PTPRT: variants seen among roughly 807,000 people sequenced by gnomAD.
PTPRT encodes the protein receptor-type tyrosine-protein phosphatase T.
PTPRT carries 56 observed loss-of-function variants against 176.8 expected under a neutral mutation model. The ratio of observed to expected loss-of-function variants is 0.32; its 90% CI spans 0.26 to 0.40. The LOEUF (loss-of-function observed/expected upper bound fraction) is 0.40, where lower values mean the gene tolerates loss of function less well. Ranked by LOEUF, PTPRT falls within the 10% of genes least tolerant of loss-of-function variation. The pLI, the probability that PTPRT is intolerant of heterozygous loss-of-function variation, is 1.00. For synonymous variants in PTPRT, 783 were observed against 739.0 expected (o/e 1.06, Z -0.96); for missense variants, 1,540 against 1,908.2 (o/e 0.81, Z 3.60).
chr20:42,742,680 G>C (rs2076628946), intron 6 of PTPRT, among the ~76,000 whole-genome samples: 1 of 152,152 alleles, frequency 6.6e-6, no homozygotes, highest in South Asian at 2.1e-4. Context: ...AAAAATAAAT[G>C]GTACAGAGAA....
At position 42,078,381 on chromosome 20, in the gene PTPRT, GT is replaced by G. The variant is rs1982985340; in HGVS notation, c.*2497del. 1 of 211,756 alleles carries G rather than the reference GT, an allele frequency of 4.7e-6. No individual in the cohort carries two copies. The highest frequency in any genetic ancestry group is 9.6e-6 in the Non-Finnish European group (1 of 104,250). 13.1% of individuals were successfully genotyped at this position (211,756 alleles called of 1,614,324 possible). On this transcript the variant is annotated 3_prime_UTR_variant, in exon 31 of 31. Coordinates refer to ENST00000373187, the MANE Select transcript of PTPRT (RefSeq NM_007050.6). Reference sequence around the variant, plus strand: ...TCTGGGTTGGTGACCCTGCTCCGTGGTAAAGCAGAGACCCTGGGTTTCTCAT... The same window carrying G: ...TCTGGGTTGGTGACCCTGCTCCGTGGAAAGCAGAGACCCTGGGTTTCTCAT...
chr20:42,405,088 TA>T (rs978612734), intron 9 of PTPRT, among the ~76,000 whole-genome samples: 26 of 149,134 alleles, frequency 1.7e-4, no homozygotes, highest in Non-Finnish European at 2.8e-4. Flanking sequence ...TAGATATAAA[TA>T]TAAATATATG....
At chr20:42,333,581 C>T (rs2057998103) in intron 11 of PTPRT, among the ~76,000 whole-genome samples, 1 of 152,022 alleles carries the variant, frequency 6.6e-6, no homozygotes, top group Non-Finnish European at 1.5e-5. Context: ...ATCCACCCAC[C>T]TCGCCCTCCC....
chr20:42,393,734 T>A (rs560755543), intron 9 of PTPRT, among the ~76,000 whole-genome samples: 1 of 152,344 alleles, frequency 6.6e-6, no homozygotes, highest in Non-Finnish European at 1.5e-5. Flanking sequence ...GGGTCACTGA[T>A]AAAGTTTTTA....
chr20:43,018,119 A>T (rs944040253), intron 1 of PTPRT, among the ~76,000 whole-genome samples: 1 of 152,234 alleles, frequency 6.6e-6, no homozygotes, highest in Non-Finnish European at 1.5e-5. Context: ...CCACGGGCTC[A>T]CAGCTTGATT....
chr20:42,573,288 T>C (rs1040971345), intron 7 of PTPRT, among the ~76,000 whole-genome samples: 10 of 152,160 alleles, frequency 6.6e-5, no homozygotes, highest in Non-Finnish European at 1.2e-4. Context: ...GCAAGCACCC[T>C]GGCCACTAGG....
chr20:42,362,594 AACG>A (rs2058445544), intron 9 of PTPRT, among the ~76,000 whole-genome samples: 2 of 152,206 alleles, frequency 1.3e-5, no homozygotes, highest in Admixed American at 1.3e-4. Context: ...TGGACTGGAA[AACG>A]ACATTAGTGG....
chr20:43,138,945 G>A (rs1158019777), intron 1 of PTPRT, among the ~76,000 whole-genome samples: 2 of 152,156 alleles, frequency 1.3e-5, no homozygotes, highest in African/African-American at 2.4e-5. Context: ...CCCTCTCTGG[G>A]CACAAACTCA....
At chr20:42,232,081 C>T (rs1471738263) in intron 15 of PTPRT, among the ~76,000 whole-genome samples, 7 of 152,286 alleles carry the variant, frequency 4.6e-5, no homozygotes, top group Middle Eastern at 3.4e-3. Context: ...AAAAGCTCCA[C>T]GTGTGCAGGA....
intron 7 of PTPRT, among the ~76,000 whole-genome samples, chr20:42,625,495 C>T (rs1275858232): frequency 6.6e-6 from 1 of 151,792 alleles, no homozygotes; most frequent in Non-Finnish European, 1.5e-5. Context: ...ACTGTTCCTC[C>T]ATCTGAGTGG....
At chr20:43,097,827 C>G (rs561019232) in intron 1 of PTPRT, among the ~76,000 whole-genome samples, 3 of 152,326 alleles carry the variant, frequency 2.0e-5, no homozygotes, top group African/African-American at 7.2e-5. Context: ...TTAGAGGAAA[C>G]AGCACAGGGG....
intron 1 of PTPRT, among the ~76,000 whole-genome samples, chr20:42,922,639 C>T (rs1485370945): frequency 6.6e-6 from 1 of 152,154 alleles, no homozygotes; most frequent in African/African-American, 2.4e-5. Context: ...TCATTCAATT[C>T]TCTTCGTTAC....
downstream of PTPRT, among the ~76,000 whole-genome samples, chr20:42,072,539 C>G (rs1234751805): frequency 6.6e-6 from 1 of 152,228 alleles, no homozygotes; most frequent in East Asian, 1.9e-4. Flanking sequence ...ACTTTACACT[C>G]AACCCTTTTA....
intron 1 of PTPRT, among the ~76,000 whole-genome samples, chr20:43,122,840 T>C (rs916179386): frequency 1.3e-5 from 2 of 152,102 alleles, no homozygotes; most frequent in Non-Finnish European, 2.9e-5. Flanking sequence ...CCAGGTTTTG[T>C]TTTGTTTTGT....
At chr20:42,957,628 C>T (rs1981720570) in intron 1 of PTPRT, among the ~76,000 whole-genome samples, 1 of 152,140 alleles carries the variant, frequency 6.6e-6, no homozygotes, top group Non-Finnish European at 1.5e-5. Flanking sequence ...TGAGGCAAGG[C>T]ATGGAAGAGG....
chr20:42,453,900 T>C (rs1437568438), intron 8 of PTPRT, among the ~76,000 whole-genome samples: 2 of 151,672 alleles, frequency 1.3e-5, no homozygotes, highest in Non-Finnish European at 2.9e-5. Flanking sequence ...GGTTTCACTA[T>C]GTTGGCCAGG....
At chr20:42,332,653 T>C (rs998332213) in intron 11 of PTPRT, among the ~76,000 whole-genome samples, 12 of 152,202 alleles carry the variant, frequency 7.9e-5, no homozygotes, top group Admixed American at 1.3e-4. Flanking sequence ...TTTTTTTTTT[T>C]TGAGAATAAA....
At position 42,296,300 on chromosome 20, in the gene PTPRT, G is replaced by A. The variant is rs547136427; in HGVS notation, c.2140-13775C>T. Among the ~76,000 whole-genome samples, 227 of 152,160 alleles carry A rather than the reference G, an allele frequency of 1.5e-3. 1 individual carries two copies. Among genetic ancestry groups the A allele is most frequent in the Admixed American group, 4.1e-3 (62 of 15,278 alleles). Reference sequence around the variant, plus strand: ...GTCTTTACTAAAAATACAAATATAAGCTGGGTGTGGTGGCACGTGCCTGTA... The same window carrying A: ...GTCTTTACTAAAAATACAAATATAAACTGGGTGTGGTGGCACGTGCCTGTA... On this transcript the variant is annotated intron_variant, in intron 12 of 30. Transcript: ENST00000373187.
intron 1 of PTPRT, among the ~76,000 whole-genome samples, chr20:42,983,252 G>A (rs1983379401): frequency 1.3e-5 from 2 of 152,200 alleles, no homozygotes; most frequent in Non-Finnish European, 1.5e-5. Flanking sequence ...GCCTGTCACA[G>A]CCATGCTGAG....
Sources: gnomAD v4.1 joint callset for allele counts (sites outside exome capture counted in the v4.1 genomes callset) on GRCh38, gnomAD v4.1.1 for gene constraint, MANE v1.5 for transcripts, NCBI Gene and HGNC (gene_info 2026-07-23, HGNC 2026-07-21) for gene names.